Variants in C8orf89 observed in about 807,000 individuals in gnomAD.
C8orf89 encodes putative uncharacterized protein C8orf89.
A neutral mutation model predicts 15.8 loss-of-function variants in C8orf89; 14 were observed. The observed-to-expected ratio is 0.89, with a 90% CI of 0.59 to 1.39. The LOEUF (loss-of-function observed/expected upper bound fraction) is 1.39, where lower values mean the gene tolerates loss of function less well. C8orf89 is among the 40% of genes most tolerant of loss of function. The pLI, the probability that C8orf89 is intolerant of heterozygous loss-of-function variation, is 0.00. For synonymous variants in C8orf89, 55 were observed against 62.2 expected, an observed-to-expected ratio of 0.88 and a Z score of 0.54; for missense variants, 181 against 184.5, an observed-to-expected ratio of 0.98 and a Z score of 0.11.
At chr8:73,272,987 C>G in the C8orf89 span, among the ~76,000 whole-genome samples, 5 of 152,244 alleles carry the variant, frequency 3.3e-5, no homozygotes, top group East Asian at 1.9e-4. Flanking sequence ...CCCTTAATCT[C>G]TCTCCTATAA....
the C8orf89 span, among the ~76,000 whole-genome samples, chr8:73,281,655 ATTTG>A: frequency 1.3e-4 from 20 of 152,136 alleles, 1 homozygote; most frequent in South Asian, 8.3e-4. Flanking sequence ...TTGTTTGTTT[ATTTG>A]TTTGTTTTTG....
At chr8:73,278,344 T>C in the C8orf89 span, among the ~76,000 whole-genome samples, 1 of 152,210 alleles carries the variant, frequency 6.6e-6, no homozygotes, top group Non-Finnish European at 1.5e-5. Context: ...CATTCAAGAC[T>C]ATTCAAGCTG....
intron 3 of C8orf89, among the ~76,000 whole-genome samples, chr8:73,246,828 C>A (rs1376530880): frequency 6.6e-6 from 1 of 152,144 alleles, no homozygotes; most frequent in Non-Finnish European, 1.5e-5. Context: ...ATAGACTGAG[C>A]TTGCAGAGCT....
At chr8:73,242,799 G>A (rs532973153) in intron 3 of C8orf89, among the ~76,000 whole-genome samples, 16 of 152,312 alleles carry the variant, frequency 1.1e-4, no homozygotes, top group Middle Eastern at 3.4e-3. Context: ...GAATCCCATT[G>A]CTAGACATAT....
the C8orf89 span, among the ~76,000 whole-genome samples, chr8:73,281,431 G>C: frequency 6.6e-6 from 1 of 152,174 alleles, no homozygotes; most frequent in Non-Finnish European, 1.5e-5. Flanking sequence ...ATGAGTTATA[G>C]ATTCATTGAG....
chr8:73,248,445 AT>A (rs1191050936), intron 3 of C8orf89, among the ~76,000 whole-genome samples: 1 of 152,056 alleles, frequency 6.6e-6, no homozygotes. Flanking sequence ...TTCCATATGA[AT>A]TTTAAAATAG....
chr8:73,284,843 G>T, the C8orf89 span, among the ~76,000 whole-genome samples: 1 of 152,178 alleles, frequency 6.6e-6, no homozygotes, highest in Non-Finnish European at 1.5e-5. Context: ...AGAGGAGCAA[G>T]AATTCTTGTG....
chr8:73,258,628 A>ATTTTTT (rs10691611), intron 1 of C8orf89, among the ~76,000 whole-genome samples: 1 of 137,306 alleles, frequency 7.3e-6, no homozygotes, highest in Non-Finnish European at 1.6e-5. Context: ...TTTGGTTAGA[A>ATTTTTT]TTTTTTTTTT....
the C8orf89 span, among the ~76,000 whole-genome samples, chr8:73,267,695 A>G: frequency 6.6e-6 from 1 of 152,226 alleles, no homozygotes; most frequent in Non-Finnish European, 1.5e-5. Context: ...GCTATATAGT[A>G]TCTAGTTATC....
chr8:73,247,362 G>C (rs202221770), intron 3 of C8orf89, among the ~76,000 whole-genome samples: 1 of 152,146 alleles, frequency 6.6e-6, no homozygotes, highest in Non-Finnish European at 1.5e-5. Context: ...TTTAGGTTGA[G>C]TCCATGTCTT....
In C8orf89 at chr8:73,241,542, A is replaced by G. The variant is rs1398890751; in HGVS notation, c.401T>C (p.Ile134Thr). ...AATGGTATCATATTCCAATATGGCT[A>G]TTTTGGAAAGTCTCTCTAAGTATTG... The part of the protein sequence containing the change: ...PSQYLERLSK[I>T]AILEYDTIRQ... Residue 134 changes from isoleucine (I) to threonine (T), a missense_variant, in exon 4 of 4, where the codon ATA becomes ACA. Transcript: ENST00000624510. 3.3e-6 allele frequency: 5 copies of G among 1,533,884 alleles called. No homozygotes were observed. In the Admixed American group the frequency reaches 5.9e-5, roughly 18 times the overall value.
chr8:73,258,409 C>CAAAAAAAAAAAAAA (rs34265425), intron 1 of C8orf89, among the ~76,000 whole-genome samples: 2 of 69,154 alleles, frequency 2.9e-5, no homozygotes, highest in Non-Finnish European at 2.7e-5. Context: ...GACTCCATCT[C>CAAAAAAAAAAAAAA]AAAAAAAAAA....
the C8orf89 span, among the ~76,000 whole-genome samples, chr8:73,283,554 T>G: frequency 6.6e-6 from 1 of 152,324 alleles, no homozygotes; most frequent in Non-Finnish European, 1.5e-5. Context: ...TTATAAACAC[T>G]AAGTGGAAGC....
intron 3 of C8orf89, among the ~76,000 whole-genome samples, chr8:73,248,976 T>C (rs555924681): frequency 1.1e-4 from 16 of 152,256 alleles, no homozygotes; most frequent in Admixed American, 5.2e-4. Flanking sequence ...TCCAATACTG[T>C]GTTGAATAAG....
At chr8:73,242,599 G>A (rs1457799577) in intron 3 of C8orf89, among the ~76,000 whole-genome samples, 1 of 152,178 alleles carries the variant, frequency 6.6e-6, no homozygotes, top group Non-Finnish European at 1.5e-5. Flanking sequence ...AAACTACAAT[G>A]AGATATCATT....
intron 2 of C8orf89, among the ~76,000 whole-genome samples, chr8:73,256,535 C>T (rs1314151720): frequency 6.6e-6 from 1 of 151,744 alleles, no homozygotes. Context: ...CAAGACCATC[C>T]TGGCCAACTT....
Position 73,256,956 on chromosome 8 carries a change from A to C in C8orf89, c.281+17T>G, listed in dbSNP as rs555990118. 5 of 1,520,678 alleles carry C rather than the reference A, an allele frequency of 3.3e-6. No homozygotes were observed. Among genetic ancestry groups the C allele is most frequent in the Non-Finnish European group, 4.4e-6 (5 of 1,139,290 alleles). 94.2% of individuals were successfully genotyped at this position (1,520,678 alleles called of 1,614,324 possible). A position where few individuals can be genotyped will look rare whatever the true frequency, so the allele number is the denominator to read the frequency against. ...AATACACATTCAACAAATGAGAATT[A>C]AATAGCAATGATCTACCTGACTGCA... is the stretch of plus-strand genomic sequence containing the variant. On this transcript the variant is annotated intron_variant, in intron 2 of 3. Coordinates refer to ENST00000624510, the MANE Select transcript of C8orf89 (RefSeq NM_001243237.3).
chr8:73,281,849 T>C, the C8orf89 span, among the ~76,000 whole-genome samples: 1 of 152,212 alleles, frequency 6.6e-6, no homozygotes, highest in Non-Finnish European at 1.5e-5. Context: ...TGTGTAACAC[T>C]GCAAGAAGCT....
At chr8:73,282,918 C>G in the C8orf89 span, among the ~76,000 whole-genome samples, 1,022 of 152,236 alleles carry the variant, frequency 6.7e-3, 11 homozygotes, top group African/African-American at 0.023. Flanking sequence ...ACATGCTAGT[C>G]TGGAGGTGGA....
Sources: gnomAD v4.1 joint callset for allele counts (sites outside exome capture counted in the v4.1 genomes callset) on GRCh38, gnomAD v4.1.1 for gene constraint, MANE v1.5 for transcripts, NCBI Gene and HGNC (gene_info 2026-07-23, HGNC 2026-07-21) for gene names.